Variants in ANXA3 observed in about 807,000 individuals in gnomAD.
ANXA3 encodes the protein 35-alpha calcimedin.
In ANXA3, 46 loss-of-function variants were observed where a neutral mutation model predicts 48.8. The observed-to-expected ratio is 0.94, with a 90% CI of 0.74 to 1.21. ANXA3 has a LOEUF of 1.21. ANXA3 is among the 50% of genes most tolerant of loss of function. ANXA3 has a pLI of 0.00. For synonymous variants in ANXA3, 128 were observed against 134.7 expected, an observed-to-expected ratio of 0.95 and a Z score of 0.35; for missense variants, 383 against 378.6, an observed-to-expected ratio of 1.01 and a Z score of -0.10.
intron 9 of ANXA3, 68 bp downstream of exon 9, chr4:78,595,955 C>A: frequency 9.2e-7 from 1 of 1,091,122 alleles, no homozygotes; most frequent in Non-Finnish European, 1.4e-6. Context: ...ATTTAGTATA[C>A]AAAGATCTAG....
Position 78,601,560 on chromosome 4 carries a change from G to C in ANXA3, c.781G>C (p.Ala261Pro). 1 of 1,613,868 alleles carries C rather than the reference G, an allele frequency of 6.2e-7. No homozygotes were observed. The highest frequency in any genetic ancestry group is 1.1e-5 in the South Asian group (1 of 91,054). Residue 261 changes from alanine to proline, a missense_variant, in exon 11 of 13, where the codon GCC becomes CCC. Transcript: ENST00000264908. ...PAFLAERLHR[A>P]LKGIGTDEFT... ...CTTTTTAGCCGAAAGACTGCATCGA[G>C]CCTTGAAGGTTGGTCTGGAAAGTTC...
chr4:78,593,266 G>A (rs1174065840), intron 7 of ANXA3, among the ~76,000 whole-genome samples: 2 of 151,788 alleles, frequency 1.3e-5, no homozygotes, highest in Non-Finnish European at 2.9e-5. Flanking sequence ...GCTGTGGTGC[G>A]ATCTCGGCTC....
intron 2 of ANXA3, among the ~76,000 whole-genome samples, chr4:78,562,018 C>T (rs1002142809): frequency 9.9e-5 from 15 of 152,042 alleles, no homozygotes; most frequent in Non-Finnish European, 5.9e-5. Flanking sequence ...GATGTTAGCC[C>T]AACTGTGAAG....
intron 3 of ANXA3, among the ~76,000 whole-genome samples, chr4:78,576,807 G>C (rs553763779): frequency 3.3e-5 from 5 of 152,078 alleles, no homozygotes; most frequent in Non-Finnish European, 7.4e-5. Context: ...TTTGCATTAG[G>C]GATGGGTCAG....
intron 3 of ANXA3, among the ~76,000 whole-genome samples, chr4:78,578,006 C>T (rs999732052): frequency 3.3e-5 from 5 of 151,882 alleles, no homozygotes; most frequent in East Asian, 1.9e-4. Context: ...AGGCCGGGTA[C>T]GGTGGCTTAC....
rs956528543 is a variant in ANXA3 at position 78,554,454 on chromosome 4, C to T, written c.-20C>T. ...TTAATAGATTAGTGTGATCTCAGCTCAAGGCAAAGGTGGGATATCATGGCA... is the reference window on the plus strand; with the variant it reads ...TTAATAGATTAGTGTGATCTCAGCTTAAGGCAAAGGTGGGATATCATGGCA... On this transcript the variant is annotated 5_prime_UTR_variant, in exon 2 of 13. Coordinates refer to ENST00000264908, the MANE Select transcript of ANXA3 (RefSeq NM_005139.3). The T allele has an allele frequency of 4.3e-6, 7 of 1,611,320 alleles. No individual in the cohort carries two copies. The highest frequency in any genetic ancestry group is 5.9e-6 in the Non-Finnish European group (7 of 1,178,130).
intron 2 of ANXA3, among the ~76,000 whole-genome samples, chr4:78,566,472 C>T (rs1407389511): frequency 8.1e-6 from 1 of 123,238 alleles, no homozygotes; most frequent in Non-Finnish European, 1.7e-5. Flanking sequence ...TAGAATACTA[C>T]TCAGCCACTC....
intron 2 of ANXA3, among the ~76,000 whole-genome samples, chr4:78,567,950 C>T (rs80271052): frequency 9.3e-4 from 142 of 152,338 alleles, no homozygotes; most frequent in African/African-American, 3.1e-3. Context: ...CTCGCAGCTG[C>T]GTAACTCCAG....
intron 9 of ANXA3, 121 bp from the exon 10 acceptor site, chr4:78,597,198 G>C: frequency 1.5e-6 from 1 of 656,514 alleles, no homozygotes; most frequent in Non-Finnish European, 2.6e-6. Context: ...GATTTTCATG[G>C]TTTAAAGAGG....
intron 3 of ANXA3, among the ~76,000 whole-genome samples, chr4:78,577,434 TG>T (rs1241711420): frequency 6.6e-6 from 1 of 152,178 alleles, no homozygotes; most frequent in Non-Finnish European, 1.5e-5. Context: ...TTCAGATACT[TG>T]TGCAGTTGTG....
At chr4:78,558,337 T>G (rs1250814445) in intron 2 of ANXA3, among the ~76,000 whole-genome samples, 1 of 152,258 alleles carries the variant, frequency 6.6e-6, no homozygotes, top group African/African-American at 2.4e-5. Flanking sequence ...TAACCACTAC[T>G]GAACTATACA....
At chr4:78,580,809 G>A (rs1723055917) in intron 4 of ANXA3, among the ~76,000 whole-genome samples, 1 of 152,230 alleles carries the variant, frequency 6.6e-6, no homozygotes, top group Non-Finnish European at 1.5e-5. Flanking sequence ...TAAGGACTTT[G>A]TCTAACTTAC....
At chr4:78,582,996 G>C (rs906432907) in intron 5 of ANXA3, among the ~76,000 whole-genome samples, 3 of 152,058 alleles carry the variant, frequency 2.0e-5, no homozygotes, top group Non-Finnish European at 4.4e-5. Context: ...ATATCAGTCA[G>C]GGTTCCCTCA....
At chr4:78,578,298 C>CGAGAGAGAGA (rs1220106430) in intron 3 of ANXA3, among the ~76,000 whole-genome samples, 621 of 46,482 alleles carry the variant, frequency 0.013, 45 homozygotes, top group Middle Eastern at 0.017. Flanking sequence ...AGAGAGAGAG[C>CGAGAGAGAGA]GAGAGAGAGA....
chr4:78,571,736 C>G (rs191351118), intron 2 of ANXA3, among the ~76,000 whole-genome samples: 2 of 152,324 alleles, frequency 1.3e-5, no homozygotes, highest in Non-Finnish European at 2.9e-5. Context: ...TGATTTTTCT[C>G]AACATCTTTG....
At chr4:78,593,797 C>T (rs1183529200) in intron 7 of ANXA3, among the ~76,000 whole-genome samples, 3 of 127,308 alleles carry the variant, frequency 2.4e-5, no homozygotes, top group African/African-American at 9.6e-5. Flanking sequence ...CCACCACATT[C>T]AGCTAATTTT....
At chr4:78,594,115 C>T (rs1211361822) in intron 7 of ANXA3, among the ~76,000 whole-genome samples, 1 of 152,096 alleles carries the variant, frequency 6.6e-6, no homozygotes. Context: ...GTTTTGCCAT[C>T]TCTAGAATGT....
At chr4:78,588,225 C>G (rs1265365232) in intron 6 of ANXA3, among the ~76,000 whole-genome samples, 1 of 151,970 alleles carries the variant, frequency 6.6e-6, no homozygotes, top group African/African-American at 2.4e-5. Context: ...AACCCCGTCT[C>G]TATAAAAAAT....
At chr4:78,569,254 A>T (rs1722791205) in intron 2 of ANXA3, among the ~76,000 whole-genome samples, 1 of 152,104 alleles carries the variant, frequency 6.6e-6, no homozygotes, top group African/African-American at 2.4e-5. Context: ...TGGAAATCTG[A>T]TCAAAGGCAA....
Sources: allele counts gnomAD v4.1 joint callset (sites outside exome capture counted in the v4.1 genomes callset), GRCh38; gene constraint gnomAD v4.1.1; transcripts MANE v1.5; gene names NCBI Gene and HGNC (gene_info 2026-07-23, HGNC 2026-07-21).